Variants in ESRRG observed in about 807,000 individuals in gnomAD.
The protein encoded by ESRRG is estrogen related receptor gamma.
Under a neutral mutation model 44.0 loss-of-function variants are expected in ESRRG, and 13 were observed. That is an observed-to-expected ratio of 0.30 (90% CI 0.19 to 0.47). The LOEUF is 0.47. Among genes scored for constraint, ESRRG ranks in the 20% least tolerant of loss-of-function variants. ESRRG has a pLI of 1.00. For missense variants in ESRRG, 395 were observed against 580.6 expected (o/e 0.68, Z 3.29); for synonymous variants, 215 against 214.6 (o/e 1.00, Z -0.02).
rs117772305 is a variant in ESRRG, at chr1:217,080,076, A to T, written c.-106+9431T>A. On this transcript the variant is annotated intron_variant, in intron 1 of 7. Coordinates refer to the ESRRG transcript ENST00000359162. The stretch of plus-strand genomic sequence containing the variant: ...GATTCTGTCAAGTTCTCTTTAAGAT[A>T]TATATAAATATATATGAATTGACCA... Among the ~76,000 whole-genome samples, 183 of 152,318 alleles carry T rather than the reference A, an allele frequency of 1.2e-3. 5 individuals carry two copies. In the East Asian group the frequency reaches 0.032, roughly 26 times the overall value.
chr1:216,571,226 C>T (rs754908956), intron 3 of ESRRG, among the ~76,000 whole-genome samples: 9 of 151,948 alleles, frequency 5.9e-5, no homozygotes, highest in East Asian at 5.8e-4. Flanking sequence ...GTGGATCACC[C>T]GAGGTCAGGA....
chr1:216,683,265 A>G (rs576528806), intron 1 of ESRRG, among the ~76,000 whole-genome samples: 7 of 152,314 alleles, frequency 4.6e-5, no homozygotes, highest in African/African-American at 1.7e-4. Context: ...AGAATTGTGA[A>G]TCCTGACCCA....
chr1:216,690,460 G>T (rs1364451185), intron 1 of ESRRG, among the ~76,000 whole-genome samples: 1 of 152,048 alleles, frequency 6.6e-6, no homozygotes, highest in African/African-American at 2.4e-5. Flanking sequence ...CATCATAATA[G>T]AAATCACAGT....
At chr1:217,129,992 A>G (rs2092942874) in intron 1 of ESRRG, among the ~76,000 whole-genome samples, 1 of 152,236 alleles carries the variant, frequency 6.6e-6, no homozygotes, top group South Asian at 2.1e-4. Flanking sequence ...ACCTCATTAA[A>G]AAGTAAATAT....
Position 216,519,425 on chromosome 1 carries a change from C to A in ESRRG, c.863-4G>T. 1 of 1,599,298 alleles carries A rather than the reference C, an allele frequency of 6.3e-7. No homozygotes were observed. Among genetic ancestry groups the A allele is most frequent in the Non-Finnish European group, 8.5e-7 (1 of 1,177,306 alleles). ...GCCAGGGACAGCGTGGAGAAGCCTGCATGGAAAGATGGGCAGATCAAGTTA... is the reference window on the plus strand; with the variant it reads ...GCCAGGGACAGCGTGGAGAAGCCTGAATGGAAAGATGGGCAGATCAAGTTA... On this transcript the variant is annotated splice_region_variant and splice_polypyrimidine_tract_variant and intron_variant, in intron 5 of 6. Transcript: ENST00000408911.
chr1:216,811,374 C>G (rs374441349), intron 2 of ESRRG, among the ~76,000 whole-genome samples: 5 of 152,076 alleles, frequency 3.3e-5, no homozygotes, highest in South Asian at 2.1e-4. Flanking sequence ...ACAAACCACT[C>G]AATATTTTCA....
At chr1:216,826,894 C>T (rs1042234568) in intron 2 of ESRRG, among the ~76,000 whole-genome samples, 4 of 152,150 alleles carry the variant, frequency 2.6e-5, no homozygotes, top group East Asian at 3.9e-4. Context: ...CAGTTGATCA[C>T]GTGAAGTGAC....
chr1:216,691,406 T>C (rs2079029273), intron 1 of ESRRG, among the ~76,000 whole-genome samples: 1 of 152,132 alleles, frequency 6.6e-6, no homozygotes, highest in Non-Finnish European at 1.5e-5. Context: ...AAAACTTGCA[T>C]AGCAACTGGA....
upstream of ESRRG, among the ~76,000 whole-genome samples, chr1:217,091,492 C>T (rs369734512): frequency 2.0e-5 from 3 of 152,148 alleles, no homozygotes; most frequent in South Asian, 2.1e-4. Context: ...AAGAATCATT[C>T]GCAAATTCCA....
chr1:217,058,077 T>C (rs1334719638), intron 1 of ESRRG, among the ~76,000 whole-genome samples: 1 of 151,982 alleles, frequency 6.6e-6, no homozygotes, highest in African/African-American at 2.4e-5. Flanking sequence ...ACAAAAAAAT[T>C]GAAATGATAT....
intron 5 of ESRRG, among the ~76,000 whole-genome samples, chr1:216,529,947 A>G (rs1353621083): frequency 1.3e-5 from 2 of 151,748 alleles, no homozygotes; most frequent in Non-Finnish European, 2.9e-5. Flanking sequence ...CCCCATCTCT[A>G]CTAAATATAT....
At chr1:216,692,903 T>G (rs1489568928) in intron 1 of ESRRG, among the ~76,000 whole-genome samples, 2 of 152,220 alleles carry the variant, frequency 1.3e-5, no homozygotes, top group African/African-American at 2.4e-5. Flanking sequence ...GGGGGCTATA[T>G]GATCTAGGTT....
At chr1:217,025,584 G>A (rs182265495) in intron 1 of ESRRG, among the ~76,000 whole-genome samples, 182 of 152,258 alleles carry the variant, frequency 1.2e-3, no homozygotes, top group African/African-American at 4.0e-3. Context: ...GCATGCTAAT[G>A]TTCTTCCTCC....
chr1:216,615,776 C>T (rs115605741), intron 3 of ESRRG, among the ~76,000 whole-genome samples: 3,801 of 144,126 alleles, frequency 0.026, 173 homozygotes, highest in African/African-American at 0.094. Flanking sequence ...CTCACTCTGT[C>T]GCCCAGGCTC....
chr1:216,817,381 A>C (rs2095171788), intron 2 of ESRRG, among the ~76,000 whole-genome samples: 1 of 152,228 alleles, frequency 6.6e-6, no homozygotes. Context: ...CTCCAGGAAA[A>C]ATAATAAAGG....
chr1:216,916,283 GC>G (rs1201808942), intron 2 of ESRRG, among the ~76,000 whole-genome samples: 6 of 152,176 alleles, frequency 3.9e-5, no homozygotes, highest in African/African-American at 1.4e-4. Flanking sequence ...GCTGCATGCT[GC>G]CCCTGTTTCA....
intron 5 of ESRRG, among the ~76,000 whole-genome samples, chr1:216,526,997 G>A (rs1224570794): frequency 6.6e-6 from 1 of 152,130 alleles, no homozygotes; most frequent in East Asian, 1.9e-4. Flanking sequence ...CTGTGACAAA[G>A]TTCAAATCAA....
At chr1:217,062,496 C>G (rs1158060358) in intron 1 of ESRRG, among the ~76,000 whole-genome samples, 3 of 152,114 alleles carry the variant, frequency 2.0e-5, no homozygotes, top group African/African-American at 7.2e-5. Flanking sequence ...CACAGCACTT[C>G]TAGAAAAGTC....
chr1:216,867,163 T>C (rs1253598669), intron 2 of ESRRG, among the ~76,000 whole-genome samples: 1 of 152,206 alleles, frequency 6.6e-6, no homozygotes, highest in Non-Finnish European at 1.5e-5. Flanking sequence ...CTTTGCATTA[T>C]GCATATGGGA....
Sources: gnomAD v4.1 joint callset for allele counts (sites outside exome capture counted in the v4.1 genomes callset) on GRCh38, gnomAD v4.1.1 for gene constraint, MANE v1.5 for transcripts, NCBI Gene and HGNC (gene_info 2026-07-23, HGNC 2026-07-21) for gene names.